The following ZBBX variants were observed in gnomAD, a reference collection of about 807,000 sequenced individuals.
ZBBX encodes the protein zinc finger B-box domain containing.
ZBBX carries 101 observed loss-of-function variants against 108.5 expected under a neutral mutation model. The observed-to-expected ratio is 0.93, with a 90% CI of 0.79 to 1.10. The LOEUF (loss-of-function observed/expected upper bound fraction) is 1.10. ZBBX is among the 50% of genes least tolerant of loss of function. The pLI, the probability that ZBBX is intolerant of heterozygous loss-of-function variation, is 0.00. For missense variants in ZBBX, 1,009 were observed against 941.4 expected, an observed-to-expected ratio of 1.07 and a Z score of -0.94; for synonymous variants, 356 against 323.4, an observed-to-expected ratio of 1.10 and a Z score of -1.08.
At chr3:167,379,024 C>T (rs1038122126) in intron 2 of ZBBX, among the ~76,000 whole-genome samples, 10 of 152,200 alleles carry the variant, frequency 6.6e-5, no homozygotes, top group Admixed American at 6.5e-4. Context: ...GCAATCAATA[C>T]AGTCCCTATA....
the ZBBX span, among the ~76,000 whole-genome samples, chr3:167,191,110 C>T: frequency 6.6e-6 from 1 of 152,186 alleles, no homozygotes. Context: ...AAACCTCATT[C>T]TAGAGATCTA....
At chr3:167,308,083 C>T (rs1392787530) in intron 16 of ZBBX, among the ~76,000 whole-genome samples, 1 of 152,106 alleles carries the variant, frequency 6.6e-6, no homozygotes, top group Non-Finnish European at 1.5e-5. Flanking sequence ...GCTCTAAGAA[C>T]CACCTTCTAT....
intron 1 of ZBBX, among the ~76,000 whole-genome samples, chr3:167,397,543 T>C (rs1210840842): frequency 6.6e-6 from 1 of 151,894 alleles, no homozygotes; most frequent in African/African-American, 2.4e-5. Context: ...AAATGTAACA[T>C]GTCAAAGTAG....
upstream of ZBBX, among the ~76,000 whole-genome samples, chr3:167,385,135 G>T (rs1355178449): frequency 6.6e-6 from 1 of 151,902 alleles, no homozygotes; most frequent in Non-Finnish European, 1.5e-5. Context: ...ATGTGATTAG[G>T]TTATTTTGTC....
intron 1 of ZBBX, among the ~76,000 whole-genome samples, chr3:167,395,489 G>A (rs1311017455): frequency 1.3e-5 from 2 of 150,838 alleles, no homozygotes; most frequent in Admixed American, 6.6e-5. Flanking sequence ...GATCTGAAGT[G>A]GAATCCTGGC....
intron 10 of ZBBX, among the ~76,000 whole-genome samples, chr3:167,333,516 T>C (rs1739019892): frequency 6.6e-6 from 1 of 152,162 alleles, no homozygotes; most frequent in Admixed American, 6.5e-5. Context: ...AATTGTTATA[T>C]TGCATTGTGG....
At chr3:167,387,738 C>A (rs1747962233) in intron 1 of ZBBX, among the ~76,000 whole-genome samples, 1 of 151,670 alleles carries the variant, frequency 6.6e-6, no homozygotes, top group Non-Finnish European at 1.5e-5. Context: ...TGGACTAGGC[C>A]AAAGCAGAGG....
At chr3:167,217,410 A>T in the ZBBX span, among the ~76,000 whole-genome samples, 1 of 152,176 alleles carries the variant, frequency 6.6e-6, no homozygotes, top group Non-Finnish European at 1.5e-5. Context: ...TCAAAACCAC[A>T]ATGAGATACC....
the ZBBX span, among the ~76,000 whole-genome samples, chr3:167,182,248 C>T: frequency 5.9e-5 from 9 of 152,246 alleles, no homozygotes; most frequent in African/African-American, 1.9e-4. Context: ...TAGCATTATG[C>T]AGATTACCTC....
intron 9 of ZBBX, among the ~76,000 whole-genome samples, chr3:167,347,584 G>A (rs753073016): frequency 9.9e-5 from 15 of 151,934 alleles, no homozygotes; most frequent in South Asian, 6.2e-4. Flanking sequence ...GGACAAATTC[G>A]CTTTAAGAAT....
chr3:167,282,119 A>C (rs1223362162), intron 20 of ZBBX, 119 bp downstream of exon 20: 1 of 1,108,990 alleles, frequency 9.0e-7, no homozygotes, highest in Non-Finnish European at 1.3e-6. Flanking sequence ...TGATGGTTAA[A>C]GAAGAAAAAG....
chr3:167,387,844 T>C (rs1273087349), intron 1 of ZBBX, among the ~76,000 whole-genome samples: 1 of 152,002 alleles, frequency 6.6e-6, no homozygotes, highest in Non-Finnish European at 1.5e-5. Context: ...GAGTGAAGGA[T>C]GACCCACGTG....
intron 5 of ZBBX, chr3:167,366,998 C>A: frequency 4.8e-6 from 2 of 415,274 alleles, no homozygotes; most frequent in Non-Finnish European, 9.8e-6. Context: ...ATAAGTTATG[C>A]ATATTTTTCA....
chr3:167,254,795 A>G (rs1723185860), intron 20 of ZBBX, among the ~76,000 whole-genome samples: 1 of 152,028 alleles, frequency 6.6e-6, no homozygotes, highest in Non-Finnish European at 1.5e-5. Context: ...ACTAAAACAA[A>G]ATCCTGGACC....
At chr3:167,217,973 G>C in the ZBBX span, among the ~76,000 whole-genome samples, 1 of 148,010 alleles carries the variant, frequency 6.8e-6, no homozygotes, top group African/African-American at 2.5e-5. Flanking sequence ...TCAATCTCTT[G>C]ACCTTGTGAT....
Position 167,314,086 on chromosome 3 carries a change from G to A in ZBBX, c.1305C>T (p.Ser435=). Residue 435 remains serine, a synonymous_variant, in exon 16 of 22, where the codon AGC becomes AGT. Transcript: ENST00000675490. Reference sequence around the variant, plus strand: ...GATGGATGCCATTTTCATATGGAAAGCTATTCTTCTGACAATCATGAAAAG... The same window carrying A: ...GATGGATGCCATTTTCATATGGAAAACTATTCTTCTGACAATCATGAAAAG... ...SCAFHDCQKN[S]FPYENGIHQH... is the part of the protein sequence containing the mutation. 1 of 1,599,514 alleles carries A rather than the reference G, an allele frequency of 6.3e-7. No individual in the cohort carries two copies.
intron 20 of ZBBX, among the ~76,000 whole-genome samples, chr3:167,270,907 T>C (rs1173322127): frequency 6.6e-6 from 1 of 152,224 alleles, no homozygotes; most frequent in Non-Finnish European, 1.5e-5. Flanking sequence ...CTCAATTTAA[T>C]TGACTACCAA....
At position 167,317,544 on chromosome 3, in the gene ZBBX, T is replaced by C. The variant is rs34465133; in HGVS notation, c.1037A>G (p.His346Arg). Residue 346 changes from histidine (H) to arginine (R), a missense_variant, in exon 13 of 22, where the codon CAT becomes CGT. His to Arg is a conservative substitution (Grantham distance 29). Transcript: ENST00000675490. ...ACACTGTGCATCACCAGTGGTTTCA[T>C]GTGGATGTGGGAACGTATCTGGTAG... is the stretch of plus-strand genomic sequence containing the variant. ...KMLPDTFPHP[H>R]ETTGDAQCSQ... is the part of the protein sequence containing the mutation. 0.019 allele frequency: 31,024 copies of C among 1,611,138 alleles called. 363 individuals are homozygous for C. Among genetic ancestry groups the C allele is most frequent in the Non-Finnish European group, 0.023 (27,148 of 1,178,298 alleles).
At chr3:167,303,810 A>G (rs1351531661) in intron 17 of ZBBX, among the ~76,000 whole-genome samples, 1 of 152,118 alleles carries the variant, frequency 6.6e-6, no homozygotes, top group Non-Finnish European at 1.5e-5. Flanking sequence ...ATTGCTTTTA[A>G]GATTGTCTAT....
Sources: allele counts gnomAD v4.1 joint callset (sites outside exome capture counted in the v4.1 genomes callset), GRCh38; gene constraint gnomAD v4.1.1; transcripts MANE v1.5; gene names NCBI Gene and HGNC (gene_info 2026-07-23, HGNC 2026-07-21).